Variants in KIAA1671 observed in about 807,000 individuals in gnomAD.
The protein encoded by KIAA1671 is KIAA1671.
In KIAA1671, 52 loss-of-function variants were observed where a neutral mutation model predicts 131.2. That is an observed-to-expected ratio of 0.40 (90% CI 0.32 to 0.50). The LOEUF is 0.50. KIAA1671 is among the 20% of genes least tolerant of loss of function. The pLI, the probability that KIAA1671 is intolerant of heterozygous loss-of-function variation, is 0.73. For synonymous variants in KIAA1671, 1,003 were observed against 961.6 expected, an observed-to-expected ratio of 1.04 and a Z score of -0.80; for missense variants, 2,360 against 2,364.2, an observed-to-expected ratio of 1.00 and a Z score of 0.04.
chr22:24,989,447 C>A (rs989251029), intron 1 of KIAA1671, among the ~76,000 whole-genome samples: 14 of 152,234 alleles, frequency 9.2e-5, no homozygotes, highest in Admixed American at 9.2e-4. Context: ...TCCACCCTGA[C>A]TTCTTATAAC....
At chr22:24,964,813 C>A (rs1353108659) in intron 1 of KIAA1671, among the ~76,000 whole-genome samples, 1 of 152,130 alleles carries the variant, frequency 6.6e-6, no homozygotes, top group African/African-American at 2.4e-5. Context: ...CAGGACCATA[C>A]TACTGGGAAT....
rs1353699597 is a variant in KIAA1671, at chr22:25,039,074, C to G, written c.1944C>G (p.Pro648=). ...GDMAHARVSE[P]RPRPEMGSWL... is the part of the protein sequence containing the mutation. The stretch of plus-strand genomic sequence containing the variant: ...TGGCCCATGCCCGTGTCTCAGAACC[C>G]AGGCCGAGGCCTGAGATGGGCTCTT... Residue 648 remains proline, a synonymous_variant, in exon 5 of 13, where the codon CCC becomes CCG. Coordinates refer to ENST00000358431, the MANE Select transcript of KIAA1671 (RefSeq NM_001145206.2). 9 of 1,551,590 alleles carry G rather than the reference C, an allele frequency of 5.8e-6. No individual in the cohort carries two copies. In the East Asian group the frequency reaches 1.5e-4, roughly 25 times the overall value.
chr22:25,044,163 T>A (rs1020443541), intron 5 of KIAA1671, among the ~76,000 whole-genome samples: 1 of 152,358 alleles, frequency 6.6e-6, no homozygotes, highest in East Asian at 1.9e-4. Context: ...TCCACGCTGC[T>A]ACTTGCCTGC....
At chr22:25,110,956 A>G (rs1931305267) in intron 6 of KIAA1671, 1 of 152,370 alleles carries the variant, frequency 6.6e-6, no homozygotes, top group Non-Finnish European at 1.5e-5. Context: ...AGGCTGTCTC[A>G]CCTGGATCAG....
intron 6 of KIAA1671, chr22:25,055,960 A>G (rs1438477496): frequency 6.7e-6 from 1 of 148,598 alleles, no homozygotes; most frequent in East Asian, 2.0e-4. Context: ...AGTTCAAACC[A>G]TCCTCCCACC....
rs114492005 is a variant in KIAA1671, at chr22:24,957,309, G to T, written c.-208+4537G>T. ...AACAGCACTGGCAAAGGCATAGATC[G>T]CCTGGAGAACTGCATGCCAACTGAT... On this transcript the variant is annotated intron_variant, in intron 1 of 12. Coordinates refer to ENST00000358431, the MANE Select transcript of KIAA1671 (RefSeq NM_001145206.2). Among the ~76,000 whole-genome samples, 54 of 152,272 alleles carry T rather than the reference G, an allele frequency of 3.5e-4. No homozygotes were observed. In the East Asian group the frequency reaches 9.1e-3, roughly 26 times the overall value.
chr22:25,010,959 G>T (rs1182738147), intron 1 of KIAA1671: 1 of 152,106 alleles, frequency 6.6e-6, no homozygotes, highest in Non-Finnish European at 1.5e-5. Flanking sequence ...GGAAGGAGAG[G>T]CAGCACCACA....
At chr22:24,963,521 C>T (rs2123801495) in intron 1 of KIAA1671, among the ~76,000 whole-genome samples, 1 of 152,168 alleles carries the variant, frequency 6.6e-6, no homozygotes, top group East Asian at 1.9e-4. Context: ...GGGCAGCTGG[C>T]TCCACTTCTC....
intron 6 of KIAA1671, among the ~76,000 whole-genome samples, chr22:25,119,981 A>G (rs777341694): frequency 6.6e-6 from 1 of 152,232 alleles, no homozygotes; most frequent in Non-Finnish European, 1.5e-5. Flanking sequence ...AGGGAGAGCT[A>G]TATCTGTGCC....
At position 25,170,803 on chromosome 22, in the gene KIAA1671, C is replaced by A; in HGVS notation, c.4531-17C>A. The A allele has an allele frequency of 6.5e-7, 1 of 1,550,082 alleles. No individual in the cohort carries two copies. Among genetic ancestry groups the A allele is most frequent in the African/African-American group, 1.4e-5 (1 of 73,124 alleles). ...ACATTTCCTGGTAGAAATCTCACAT[C>A]TGGCTTGTCTTTGCAGGACCAGCTG... On this transcript the variant is annotated splice_polypyrimidine_tract_variant and intron_variant, in intron 6 of 12. Coordinates refer to ENST00000358431, the MANE Select transcript of KIAA1671 (RefSeq NM_001145206.2).
chr22:25,059,017 A>G (rs1928005632), intron 6 of KIAA1671: 1 of 152,232 alleles, frequency 6.6e-6, no homozygotes, highest in African/African-American at 2.4e-5. Context: ...TATCATGTGC[A>G]GTGTCCTTCT....
chr22:25,000,184 GTTTTTTTTTT>G (rs1184771280), intron 1 of KIAA1671, among the ~76,000 whole-genome samples: 3 of 62,158 alleles, frequency 4.8e-5, no homozygotes, highest in African/African-American at 9.5e-5. Context: ...CTCCTCGCCT[GTTTTTTTTTT>G]TTTTTTTTTT....
intron 1 of KIAA1671, among the ~76,000 whole-genome samples, chr22:25,018,319 G>A (rs1925454895): frequency 6.6e-6 from 1 of 152,082 alleles, no homozygotes; most frequent in Non-Finnish European, 1.5e-5. Context: ...CCCCGACGTG[G>A]TAATTAGAGC....
chr22:25,155,421 ATG>A (rs767259775), intron 6 of KIAA1671, among the ~76,000 whole-genome samples: 3 of 150,956 alleles, frequency 2.0e-5, no homozygotes, highest in African/African-American at 7.4e-5. Context: ...GTATTTGTGT[ATG>A]TGTGTGTGGG....
At chr22:25,031,552 G>A (rs1370595333) in intron 3 of KIAA1671, among the ~76,000 whole-genome samples, 3 of 151,722 alleles carry the variant, frequency 2.0e-5, no homozygotes, top group East Asian at 1.9e-4. Flanking sequence ...GGCTGTTCTC[G>A]AACTTCTGAC....
intron 6 of KIAA1671, chr22:25,053,156 T>C (rs1452426294): frequency 1.3e-5 from 2 of 152,138 alleles, no homozygotes; most frequent in East Asian, 3.9e-4. Flanking sequence ...GTGTCTTGTG[T>C]ATGGTCCTGT....
At chr22:24,955,706 G>A (rs1182006861) in intron 1 of KIAA1671, among the ~76,000 whole-genome samples, 2 of 152,066 alleles carry the variant, frequency 1.3e-5, no homozygotes, top group Non-Finnish European at 2.9e-5. Flanking sequence ...AGGAGGCTGG[G>A]GGCCAGTAAG....
chr22:25,128,952 A>C (rs1932308517), intron 6 of KIAA1671, among the ~76,000 whole-genome samples: 1 of 152,200 alleles, frequency 6.6e-6, no homozygotes, highest in Non-Finnish European at 1.5e-5. Flanking sequence ...GTGCATTTGC[A>C]TACCTGATGT....
At chr22:25,027,335 A>T (rs1346871032) in intron 2 of KIAA1671, among the ~76,000 whole-genome samples, 1 of 151,976 alleles carries the variant, frequency 6.6e-6, no homozygotes, top group African/African-American at 2.4e-5. Context: ...GCTCCCAGGC[A>T]CTCCTGAGCT....
Sources: gnomAD v4.1 joint callset for allele counts (sites outside exome capture counted in the v4.1 genomes callset) on GRCh38, gnomAD v4.1.1 for gene constraint, MANE v1.5 for transcripts, NCBI Gene and HGNC (gene_info 2026-07-23, HGNC 2026-07-21) for gene names.